Variants in ADA2 observed in about 807,000 individuals in gnomAD.
The protein encoded by ADA2 is adenosine deaminase CECR1.
A neutral mutation model predicts 44.2 loss-of-function variants in ADA2; 29 were observed. The ratio of observed to expected loss-of-function variants is 0.66; its 90% CI spans 0.49 to 0.89. The LOEUF (loss-of-function observed/expected upper bound fraction) is 0.89. Ranked by LOEUF, ADA2 falls within the 40% of genes least tolerant of loss-of-function variation. The probability of loss-of-function intolerance (pLI) is 0.00; values close to 1 mark genes in which losing one functional copy is unlikely to be tolerated. For missense variants in ADA2, 637 were observed against 644.8 expected (o/e 0.99, Z 0.13); for synonymous variants, 215 against 234.9 (o/e 0.92, Z 0.77).
chr22:17,207,101 C>T lies in ADA2; in HGVS notation c.512G>A (p.Arg171Gln), dbSNP rs1441421885. 5.0e-6 allele frequency: 8 copies of T among 1,614,094 alleles called. No homozygotes were observed. The highest frequency in any genetic ancestry group is 4.0e-5 in the African/African-American group (3 of 74,938). Residue 171 changes from arginine (R) to glutamine (Q), a missense_variant, in exon 3 of 10, where the codon CGG becomes CAG. By Grantham distance (43) the Arg-to-Gln change is conservative. Transcript: ENST00000399837. ...KWILLEDYRKRVQNVTEFDDS... is the reference protein window; with the variant it reads ...KWILLEDYRKQVQNVTEFDDS... ...ATCAAACTCAGTGACGTTCTGCACC[C>T]GCTTCCGATAATCCTCCAGCAGAAT...
upstream of ADA2, chr22:17,219,678 T>TTG (rs2062508422): frequency 7.1e-6 from 1 of 139,912 alleles, no homozygotes; most frequent in African/African-American, 2.7e-5. Context: ...TTTTTTTTTT[T>TTG]TTTTTTTTTT....
Position 17,188,744 on chromosome 22 carries a change from T to C in ADA2, c.973-297A>G, listed in dbSNP as rs2062072234. On this transcript the variant is annotated intron_variant, in intron 6 of 9. Coordinates refer to ENST00000399837, the MANE Select transcript of ADA2 (RefSeq NM_001282225.2). ...AATACAAAAAATTATCCAGGTGTGG[T>C]AGCGGGTGCCTGTAGTCCCAGCTAC... The C allele has an allele frequency of 2.2e-5, 4 of 183,512 alleles. No individual in the cohort carries two copies. The East Asian group carries it at 4.6e-4, about 21-fold the overall frequency. 11.4% of individuals were successfully genotyped at this position (183,512 alleles called of 1,614,324 possible).
At position 17,181,849 on chromosome 22, in the gene ADA2, G is replaced by T; in HGVS notation, c.1413C>A (p.Thr471=). Residue 471 remains threonine, a synonymous_variant, in exon 9 of 10, where the codon ACC becomes ACA. Transcript: ENST00000399837. ...GIGGMKADLR[T]LKQLAMNSIK... ...TAGAGTTCATGGCCAGCTGTTTGAGGGTCCTCAGGTCAGCCTTCATCCCCC... is the reference window on the plus strand; with the variant it reads ...TAGAGTTCATGGCCAGCTGTTTGAGTGTCCTCAGGTCAGCCTTCATCCCCC... 6.2e-7 allele frequency: 1 copy of T among 1,613,888 alleles called. No individual in the cohort carries two copies.
At chr22:17,196,039 G>C (rs543608523) in intron 4 of ADA2, among the ~76,000 whole-genome samples, 1 of 151,814 alleles carries the variant, frequency 6.6e-6, no homozygotes, top group Non-Finnish European at 1.5e-5. Flanking sequence ...GAGCCACTGC[G>C]CCCGGCAAGA....
intron 7 of ADA2, among the ~76,000 whole-genome samples, chr22:17,184,104 C>T (rs867681489): frequency 2.4e-4 from 36 of 151,486 alleles, no homozygotes; most frequent in Admixed American, 3.3e-4. Context: ...GGACTACAGG[C>T]GCCCGCCACC....
chr22:17,190,114 C>T (rs2062096783), intron 5 of ADA2, 82 bp from the exon 6 acceptor site: 1 of 1,130,500 alleles, frequency 8.8e-7, no homozygotes, highest in East Asian at 2.4e-5. Context: ...CCGTGCAGGG[C>T]TGGGCCAGCC....
chr22:17,182,669 G>C lies in ADA2; in HGVS notation c.1174C>G (p.Pro392Ala), dbSNP rs2061986854. 1 of 1,614,110 alleles carries C rather than the reference G, an allele frequency of 6.2e-7. No homozygotes were observed. The highest frequency in any genetic ancestry group is 2.2e-5 in the East Asian group (1 of 44,866). Residue 392 changes from proline to alanine, a missense_variant, in exon 8 of 10, where the codon CCC becomes GCC. Physicochemically the swap from Pro to Ala is conservative, Grantham distance 27. Coordinates refer to ENST00000399837, the MANE Select transcript of ADA2 (RefSeq NM_001282225.2). ...TTCCAGGAGTAAGTCCTGACTGCGGGGTGTTTGCTCAAAGCAAATCCATGG... is the reference window on the plus strand; with the variant it reads ...TTCCAGGAGTAAGTCCTGACTGCGGCGTGTTTGCTCAAAGCAAATCCATGG... Reference protein sequence around the residue: ...IGHGFALSKHPAVRTYSWKKD... With the variant: ...IGHGFALSKHAAVRTYSWKKD...
rs2062115130 is a variant in ADA2, at chr22:17,191,598, C to A, written c.881+85G>T. On this transcript the variant is annotated intron_variant, in intron 5 of 9. Transcript: ENST00000399837. Reference sequence around the variant, plus strand: ...GGCCTCTCCCGGCCTCCCAGCCCCGCTTCTCACCCCTCCCCTCCCAGCCTA... The same window carrying A: ...GGCCTCTCCCGGCCTCCCAGCCCCGATTCTCACCCCTCCCCTCCCAGCCTA... 7.0e-6 allele frequency: 10 copies of A among 1,430,826 alleles called. No individual in the cohort carries two copies. In the South Asian group the frequency reaches 1.0e-4, roughly 14 times the overall value. 88.6% of individuals were successfully genotyped at this position (1,430,826 alleles called of 1,614,324 possible). A position where few individuals can be genotyped will look rare whatever the true frequency, so the allele number is the denominator to read the frequency against.
In ADA2 at chr22:17,179,839, A is replaced by G. The variant is rs1284240540; in HGVS notation, c.*1644T>C. On this transcript the variant is annotated 3_prime_UTR_variant, in exon 10 of 10. Transcript: ENST00000399837. ...GACCTGATTTAATTTGATCTTTTAA[A>G]AGTCATTCTAGGCCAGGCCGGGTGG... is the stretch of plus-strand genomic sequence containing the variant. 3.3e-5 allele frequency: 5 copies of G among 151,922 alleles called. No individual in the cohort carries two copies. The highest frequency in any genetic ancestry group is 2.6e-4 in the Admixed American group (4 of 15,254). 9.4% of individuals were successfully genotyped at this position (151,922 alleles called of 1,614,324 possible).
At chr22:17,199,495 A>G (rs564924449) in intron 4 of ADA2, 1 of 1,396,594 alleles carries the variant, frequency 7.2e-7, no homozygotes, top group African/African-American at 2.0e-5. Flanking sequence ...TTCCCTATGC[A>G]CTCCCACACC....
At chr22:17,211,894 C>T (rs941353381) in intron 1 of ADA2, among the ~76,000 whole-genome samples, 1 of 151,758 alleles carries the variant, frequency 6.6e-6, no homozygotes, top group Non-Finnish European at 1.5e-5. Context: ...TGCCACTGCA[C>T]TCCAGCCTGC....
chr22:17,214,550 C>G lies in ADA2; in HGVS notation c.-47+4806G>C, dbSNP rs192460313. Among the ~76,000 whole-genome samples the G allele has an allele frequency of 4.6e-3, 706 of 152,330 alleles. 1 individual carries two copies. The highest frequency in any genetic ancestry group is 7.2e-3 in the Non-Finnish European group (493 of 68,038). On this transcript the variant is annotated intron_variant, in intron 1 of 9. Coordinates refer to ENST00000399837, the MANE Select transcript of ADA2 (RefSeq NM_001282225.2). ...ACTCCAGAGGATAAGGAGCTAATGCCAGGGTGGCCTGTAGTATGCAGAGCT... is the reference window on the plus strand; with the variant it reads ...ACTCCAGAGGATAAGGAGCTAATGCGAGGGTGGCCTGTAGTATGCAGAGCT...
chr22:17,192,283 C>T (rs1283049764), intron 4 of ADA2, among the ~76,000 whole-genome samples: 2 of 152,066 alleles, frequency 1.3e-5, no homozygotes, highest in Admixed American at 6.6e-5. Context: ...ACATGGCACA[C>T]GCGAGGGTAG....
At chr22:17,211,258 C>T (rs2062415983) in intron 1 of ADA2, among the ~76,000 whole-genome samples, 1 of 151,882 alleles carries the variant, frequency 6.6e-6, no homozygotes, top group African/African-American at 2.4e-5. Flanking sequence ...GTTTGGGAGG[C>T]TGAGACAGGA....
intron 5 of ADA2, among the ~76,000 whole-genome samples, chr22:17,190,812 T>A (rs894628302): frequency 1.3e-5 from 2 of 152,172 alleles, no homozygotes; most frequent in African/African-American, 4.8e-5. Flanking sequence ...GAGCAGAACG[T>A]GGGCCCATCC....
intron 4 of ADA2, among the ~76,000 whole-genome samples, chr22:17,201,395 G>C (rs899361196): frequency 3.9e-5 from 6 of 152,094 alleles, no homozygotes; most frequent in Non-Finnish European, 8.8e-5. Flanking sequence ...ACTTCGGAGC[G>C]TATAAAAGCC....
At chr22:17,206,111 T>A (rs1369798872) in intron 3 of ADA2, among the ~76,000 whole-genome samples, 1 of 152,198 alleles carries the variant, frequency 6.6e-6, no homozygotes, top group East Asian at 1.9e-4. Context: ...AGCTAGGAAC[T>A]TTTATTCTCT....
chr22:17,193,695 GAT>G (rs1006177148), intron 4 of ADA2, among the ~76,000 whole-genome samples: 14 of 127,336 alleles, frequency 1.1e-4, no homozygotes, highest in African/African-American at 3.3e-4. Flanking sequence ...AAAAAAAAAA[GAT>G]GTGGGAATTT....
At chr22:17,188,228 G>A (rs1438445931) in intron 7 of ADA2, 111 bp downstream of exon 7, 8 of 689,298 alleles carry the variant, frequency 1.2e-5, no homozygotes, top group Admixed American at 4.9e-5. Context: ...ATAGAGCACA[G>A]GAAAGGGCTC....
Sources: gnomAD v4.1 joint callset for allele counts (sites outside exome capture counted in the v4.1 genomes callset) on GRCh38, gnomAD v4.1.1 for gene constraint, MANE v1.5 for transcripts, NCBI Gene and HGNC (gene_info 2026-07-23, HGNC 2026-07-21) for gene names.